Variants in RBMS1 observed in about 807,000 individuals in gnomAD.
RBMS1 encodes RNA binding motif single stranded interacting protein 1.
RBMS1 carries 17 observed loss-of-function variants against 62.3 expected under a neutral mutation model. The ratio of observed to expected loss-of-function variants is 0.27; its 90% confidence interval spans 0.19 to 0.41. The LOEUF (loss-of-function observed/expected upper bound fraction) is 0.41. RBMS1 is among the 10% of genes least tolerant of loss of function. The pLI is 1.00. For missense variants in RBMS1, 334 were observed against 504.5 expected (o/e 0.66, Z 3.24); for synonymous variants, 172 against 170.0 (o/e 1.01, Z -0.09).
intron 12 of RBMS1, among the ~76,000 whole-genome samples, chr2:160,276,894 G>C (rs1045917089): frequency 2.6e-5 from 4 of 152,112 alleles, no homozygotes; most frequent in African/African-American, 9.7e-5. Context: ...AATATTTCTG[G>C]GAGTCTTAAG....
At chr2:160,380,659 A>G (rs1694243793) in intron 1 of RBMS1, among the ~76,000 whole-genome samples, 1 of 152,242 alleles carries the variant, frequency 6.6e-6, no homozygotes, top group Non-Finnish European at 1.5e-5. Context: ...ATTAAGAGAA[A>G]TGGTGGTTTG....
rs1227168031 is a variant in RBMS1 at position 160,282,579 on chromosome 2, A to C, written c.901-1215T>G. On this transcript the variant is annotated intron_variant, in intron 9 of 13. Transcript: ENST00000348849. Reference sequence around the variant, plus strand: ...ATGCTTCAGTGGTCTTAATAATCTAATAGCTTATAGCATTACAGGATTAGG... The same window carrying C: ...ATGCTTCAGTGGTCTTAATAATCTACTAGCTTATAGCATTACAGGATTAGG... 3 of 209,222 alleles carry C rather than the reference A, an allele frequency of 1.4e-5. No homozygotes were observed. In the East Asian group the frequency reaches 3.4e-4, roughly 24 times the overall value. The allele number at this position is 209,222 out of a possible 1,614,324, so 13.0% of individuals were successfully genotyped here. A position where few individuals can be genotyped will look rare whatever the true frequency, so the allele number is the denominator to read the frequency against.
At chr2:160,322,784 C>T (rs183022530) in intron 2 of RBMS1, among the ~76,000 whole-genome samples, 39 of 152,286 alleles carry the variant, frequency 2.6e-4, no homozygotes, top group African/African-American at 9.4e-4. Flanking sequence ...CCTTGAAATC[C>T]GTCAGGCCCT....
intron 4 of RBMS1, among the ~76,000 whole-genome samples, chr2:160,311,772 G>GT (rs1689937884): frequency 6.6e-6 from 1 of 152,094 alleles, no homozygotes; most frequent in African/African-American, 2.4e-5. Context: ...AAACTGCTGA[G>GT]TTTCAGGCTT....
At chr2:160,281,262 T>C in intron 10 of RBMS1, 52 bp downstream of exon 10, 1 of 1,449,164 alleles carries the variant, frequency 6.9e-7, no homozygotes, top group African/African-American at 1.4e-5. Context: ...CTAGAGAGAA[T>C]ATACACATAA....
At chr2:160,465,130 G>A (rs1684632356) in intron 1 of RBMS1, among the ~76,000 whole-genome samples, 1 of 152,160 alleles carries the variant, frequency 6.6e-6, no homozygotes, top group African/African-American at 2.4e-5. Context: ...TTTCTTTGAA[G>A]GTTTTCCAAA....
intron 1 of RBMS1, among the ~76,000 whole-genome samples, chr2:160,443,121 G>A (rs914789040): frequency 1.3e-5 from 2 of 151,614 alleles, no homozygotes; most frequent in Non-Finnish European, 2.9e-5. Flanking sequence ...CAGAAGAATT[G>A]CTGGAACCCA....
At chr2:160,288,452 C>A (rs1688519224) in intron 6 of RBMS1, among the ~76,000 whole-genome samples, 1 of 152,174 alleles carries the variant, frequency 6.6e-6, no homozygotes, top group Non-Finnish European at 1.5e-5. Flanking sequence ...AACAAAAAGC[C>A]CAACTGTAAC....
At chr2:160,323,044 T>C (rs1333664156) in intron 2 of RBMS1, among the ~76,000 whole-genome samples, 3 of 152,188 alleles carry the variant, frequency 2.0e-5, no homozygotes, top group African/African-American at 4.8e-5. Flanking sequence ...GGAGCTGTTA[T>C]AGACAGTTAA....
chr2:160,415,157 G>T (rs1246316036), intron 1 of RBMS1, among the ~76,000 whole-genome samples: 1 of 151,874 alleles, frequency 6.6e-6, no homozygotes, highest in East Asian at 1.9e-4. Context: ...CATGCCTATT[G>T]TAAGCCTATA....
intron 1 of RBMS1, among the ~76,000 whole-genome samples, chr2:160,383,447 A>G (rs1177933333): frequency 5.8e-5 from 3 of 51,500 alleles, no homozygotes; most frequent in Non-Finnish European, 1.3e-4. Flanking sequence ...CTGGTTAGAC[A>G]TGAATTGGGG....
chr2:160,451,410 C>T (rs1683985431), intron 1 of RBMS1, among the ~76,000 whole-genome samples: 1 of 151,866 alleles, frequency 6.6e-6, no homozygotes, highest in African/African-American at 2.4e-5. Flanking sequence ...GCAACAGGTA[C>T]AAAACTAATC....
At chr2:160,319,625 T>A (rs4589705) in intron 2 of RBMS1, among the ~76,000 whole-genome samples, 114,084 of 152,158 alleles carry the variant, frequency 0.75, 43,473 homozygotes, top group East Asian at 0.84. Context: ...CCTAGACATT[T>A]ACTTCAAAAA....
intron 1 of RBMS1, among the ~76,000 whole-genome samples, chr2:160,389,740 C>A (rs1458484984): frequency 2.1e-5 from 3 of 146,010 alleles, no homozygotes; most frequent in East Asian, 2.0e-4. Context: ...GCAAAAAACC[C>A]TCAGTAATTA....
At chr2:160,481,358 T>TAA (rs373909477) in intron 1 of RBMS1, among the ~76,000 whole-genome samples, 1,808 of 127,034 alleles carry the variant, frequency 0.014, 36 homozygotes, top group Middle Eastern at 0.033. Context: ...GTAGGAAATG[T>TAA]AAAAAAAAAA....
chr2:160,276,341 C>G (rs1290058482), intron 12 of RBMS1, among the ~76,000 whole-genome samples: 1 of 146,220 alleles, frequency 6.8e-6, no homozygotes, highest in Non-Finnish European at 1.5e-5. Context: ...AATACTACTA[C>G]CACCACCACC....
chr2:160,294,610 G>C (rs770181799), intron 6 of RBMS1, among the ~76,000 whole-genome samples: 3 of 152,134 alleles, frequency 2.0e-5, no homozygotes, highest in Non-Finnish European at 4.4e-5. Context: ...AGTATCTTTC[G>C]GGAATTGTGT....
intron 1 of RBMS1, among the ~76,000 whole-genome samples, chr2:160,451,734 G>C (rs549534483): frequency 1.3e-5 from 2 of 151,890 alleles, no homozygotes; most frequent in African/African-American, 4.8e-5. Flanking sequence ...TCAGCCACCC[G>C]AGTAGCTGGG....
intron 2 of RBMS1, among the ~76,000 whole-genome samples, chr2:160,341,709 G>C (rs747616121): frequency 6.6e-6 from 1 of 152,178 alleles, no homozygotes; most frequent in East Asian, 1.9e-4. Flanking sequence ...CAGTTGTGCT[G>C]TGCTACCATC....
Sources: gnomAD v4.1 joint callset for allele counts (sites outside exome capture counted in the v4.1 genomes callset) on GRCh38, gnomAD v4.1.1 for gene constraint, MANE v1.5 for transcripts, NCBI Gene and HGNC (gene_info 2026-07-23, HGNC 2026-07-21) for gene names.